The following DNAAF5 variants were observed in gnomAD, a reference collection of about 807,000 sequenced individuals.
The protein encoded by DNAAF5 is dynein axonemal assembly factor 5.
Under a neutral mutation model 75.8 loss-of-function variants are expected in DNAAF5, and 64 were observed. That is an observed-to-expected ratio of 0.84 (90% CI 0.69 to 1.04). DNAAF5 has a LOEUF of 1.04. DNAAF5 is among the 50% of genes least tolerant of loss of function. The pLI, the probability that DNAAF5 is intolerant of heterozygous loss-of-function variation, is 0.00. For missense variants in DNAAF5, 1,269 were observed against 1,178.5 expected, an observed-to-expected ratio of 1.08 and a Z score of -1.12; for synonymous variants, 657 against 557.2, an observed-to-expected ratio of 1.18 and a Z score of -2.52.
At chr7:772,804 C>T (rs759159886) in intron 9 of DNAAF5, 28 of 152,214 alleles carry the variant, frequency 1.8e-4, no homozygotes, top group African/African-American at 1.4e-4. Flanking sequence ...GCGGAGATTG[C>T]GCCATTTCAC....
rs1562387135 is a variant in DNAAF5, at chr7:754,762, G to T, written c.1198G>T (p.Val400Phe). The T allele has an allele frequency of 1.9e-6, 3 of 1,613,330 alleles. 1 individual carries two copies. Among genetic ancestry groups the T allele is most frequent in the Non-Finnish European group, 1.7e-6 (2 of 1,179,932 alleles). ...AEDHATQHLE[V>F]VLRTLFQACT... ...GGACCACGCCACGCAGCACCTGGAG[G>T]TCGTCCTCCGGACCCTGTTCCAGGC... Residue 400 changes from valine (V) to phenylalanine (F), a missense_variant, in exon 5 of 13, where the codon GTC becomes TTC. By Grantham distance (50) the Val-to-Phe change is conservative. Transcript: ENST00000297440. This position sits in a 1 kb window ranked among gnomAD's most constrained non-coding sequence, Gnocchi z 4.8.
At chr7:766,763 T>C (rs1265486080) in intron 8 of DNAAF5, among the ~76,000 whole-genome samples, 3 of 152,128 alleles carry the variant, frequency 2.0e-5, no homozygotes, top group Non-Finnish European at 4.4e-5. Context: ...GGAGCTGTGA[T>C]TGTACCACTG....
intron 4 of DNAAF5, chr7:750,947 C>T (rs1386971602): frequency 6.1e-6 from 1 of 163,528 alleles, no homozygotes; most frequent in Non-Finnish European, 1.5e-5. Flanking sequence ...AGTTCAAGAC[C>T]AGGCTGGCCA....
Position 770,418 on chromosome 7 carries a change from C to T in DNAAF5, c.1784-53C>T, listed in dbSNP as rs116810256. Reference sequence around the variant, plus strand: ...GAGCCTGGGCCTGTGCTGGATGGGGCCTCCTCCCGTCTCCTGAGGGCCGTG... The same window carrying T: ...GAGCCTGGGCCTGTGCTGGATGGGGTCTCCTCCCGTCTCCTGAGGGCCGTG... On this transcript the variant is annotated intron_variant, in intron 8 of 12. Coordinates refer to ENST00000297440, the MANE Select transcript of DNAAF5 (RefSeq NM_017802.4). 3.1e-3 allele frequency: 4,852 copies of T among 1,560,648 alleles called. 133 individuals carry two copies. The African/African-American group carries it at 0.057, about 18-fold the overall frequency.
intron 12 of DNAAF5, among the ~76,000 whole-genome samples, chr7:780,826 C>CTTTTTT (rs201445917): frequency 1.5e-5 from 2 of 131,258 alleles, no homozygotes; most frequent in African/African-American, 5.6e-5. Flanking sequence ...TTTTTTTTTT[C>CTTTTTT]TTTTTTTTTT....
rs1467738533 is a variant in DNAAF5 at position 734,835 on chromosome 7, G to C, written c.780+4988G>C. Among the ~76,000 whole-genome samples, 43 of 152,156 alleles carry C rather than the reference G, an allele frequency of 2.8e-4. 1 individual carries two copies. Among genetic ancestry groups the C allele is most frequent in the Admixed American group, 2.8e-3 (43 of 15,272 alleles). ...TCTAGGAATTTATCCATTTCTTCTA[G>C]GTTTTCCAATTTATTGGCATATAGT... is the stretch of plus-strand genomic sequence containing the variant. On this transcript the variant is annotated intron_variant, in intron 2 of 12. Coordinates refer to ENST00000297440, the MANE Select transcript of DNAAF5 (RefSeq NM_017802.4).
At chr7:741,063 C>T (rs917140169) in intron 3 of DNAAF5, 120 bp downstream of exon 3, 35 of 1,222,662 alleles carry the variant, frequency 2.9e-5, no homozygotes, top group Middle Eastern at 2.0e-4. Context: ...CCCTGTGCTC[C>T]GAAGGGATGT....
intron 4 of DNAAF5, among the ~76,000 whole-genome samples, chr7:742,659 A>ACATGCCCAGCTCAAATCAAT (rs1271171274): frequency 6.7e-6 from 1 of 149,442 alleles, no homozygotes; most frequent in African/African-American, 2.5e-5. Context: ...AGCTCAAATC[A>ACATGCCCAGCTCAAATCAAT]CATGCCCAGC....
chr7:759,815 A>T (rs1782589200), intron 6 of DNAAF5, among the ~76,000 whole-genome samples: 1 of 152,180 alleles, frequency 6.6e-6, no homozygotes, highest in Non-Finnish European at 1.5e-5. Flanking sequence ...GTGGTCAGCC[A>T]GGAGGGGCTG....
At chr7:770,732 C>T in intron 9 of DNAAF5, 114 bp downstream of exon 9, 1 of 1,014,760 alleles carries the variant, frequency 9.9e-7, no homozygotes, top group East Asian at 2.5e-5. Context: ...TTCCCCAACA[C>T]TGCACTGCGC....
At chr7:735,159 G>C (rs532493869) in intron 2 of DNAAF5, among the ~76,000 whole-genome samples, 1 of 151,534 alleles carries the variant, frequency 6.6e-6, no homozygotes, top group African/African-American at 2.4e-5. Context: ...TCACGGTGTA[G>C]TTCATGGTGT....
intron 6 of DNAAF5, among the ~76,000 whole-genome samples, chr7:758,510 G>T (rs931305316): frequency 2.6e-5 from 4 of 152,324 alleles, no homozygotes; most frequent in African/African-American, 9.6e-5. Context: ...GGCTGCGAAC[G>T]TGTGTCGGCC....
At chr7:734,257 A>G (rs1244795106) in intron 2 of DNAAF5, among the ~76,000 whole-genome samples, 1 of 152,174 alleles carries the variant, frequency 6.6e-6, no homozygotes, top group Non-Finnish European at 1.5e-5. Flanking sequence ...CTTTTATTGT[A>G]CTGAGGTGTG....
intron 4 of DNAAF5, among the ~76,000 whole-genome samples, chr7:742,385 C>T (rs1781937517): frequency 9.1e-6 from 1 of 110,374 alleles, no homozygotes; most frequent in African/African-American, 3.4e-5. Flanking sequence ...CAGCTCAAAT[C>T]AATCAGATGC....
At chr7:758,985 A>G (rs1025149286) in intron 6 of DNAAF5, among the ~76,000 whole-genome samples, 66 of 152,094 alleles carry the variant, frequency 4.3e-4, no homozygotes, top group African/African-American at 1.6e-3. Flanking sequence ...ACCTGGCCCC[A>G]TTTTACTCCT....
intron 11 of DNAAF5, among the ~76,000 whole-genome samples, chr7:776,980 A>C (rs1340641563): frequency 6.6e-6 from 1 of 152,182 alleles, no homozygotes; most frequent in African/African-American, 2.4e-5. Context: ...CCTATTGTGA[A>C]CTGTGCACGC....
intron 2 of DNAAF5, among the ~76,000 whole-genome samples, chr7:737,735 C>T (rs1281803716): frequency 1.3e-5 from 2 of 152,214 alleles, no homozygotes; most frequent in Non-Finnish European, 2.9e-5. Context: ...ATATGCCAAG[C>T]CACTGTCTCC....
At position 769,094 on chromosome 7, in the gene DNAAF5, G is replaced by A. The variant is rs1308969579; in HGVS notation, c.1784-1377G>A. 3.0e-5 allele frequency: 22 copies of A among 734,740 alleles called. No individual in the cohort carries two copies. The East Asian group carries it at 4.8e-4, about 16-fold the overall frequency. The allele number at this position is 734,740 out of a possible 1,614,324, so 45.5% of individuals were successfully genotyped here. A position where few individuals can be genotyped will look rare whatever the true frequency, so the allele number is the denominator to read the frequency against. ...AGAGCAGCGAGTACATTGCGTCTCC[G>A]TGTGGCAAGGGCAGGTGCGGGGGTC... On this transcript the variant is annotated intron_variant, in intron 8 of 12. Transcript: ENST00000297440.
chr7:729,624 G>T, intron 1 of DNAAF5, 39 bp from the exon 2 acceptor site: 2 of 1,589,540 alleles, frequency 1.3e-6, no homozygotes, highest in Non-Finnish European at 8.6e-7. Flanking sequence ...GAGGCGTGTG[G>T]GAGCAGCTCT....
Sources: allele counts gnomAD v4.1 joint callset (sites outside exome capture counted in the v4.1 genomes callset), GRCh38; gene constraint gnomAD v4.1.1; non-coding constraint Gnocchi (gnomAD v3.1); transcripts MANE v1.5; gene names NCBI Gene and HGNC (gene_info 2026-07-23, HGNC 2026-07-21).